Variants in ZNF827 observed in about 807,000 individuals in gnomAD.
ZNF827 encodes the protein zinc finger protein 827.
A neutral mutation model predicts 102.4 loss-of-function variants in ZNF827; 13 were observed. That is an observed-to-expected ratio of 0.13 (90% CI 0.08 to 0.20). The LOEUF (loss-of-function observed/expected upper bound fraction) is 0.20. Among genes scored for constraint, ZNF827 ranks in the 10% least tolerant of loss-of-function variants. The pLI, the probability that ZNF827 is intolerant of heterozygous loss-of-function variation, is 1.00. For synonymous variants in ZNF827, 523 were observed against 536.2 expected, an observed-to-expected ratio of 0.98 and a Z score of 0.34; for missense variants, 1,103 against 1,344.4, an observed-to-expected ratio of 0.82 and a Z score of 2.81.
At chr4:145,764,904 C>T in intron 13 of ZNF827, 84 bp downstream of exon 13, 1 of 1,599,190 alleles carries the variant, frequency 6.3e-7, no homozygotes, top group Non-Finnish European at 8.6e-7. Flanking sequence ...ACTCCCAAAA[C>T]CTTCACGGGA....
chr4:145,864,932 A>G (rs1561014997), intron 5 of ZNF827, among the ~76,000 whole-genome samples: 1 of 152,248 alleles, frequency 6.6e-6, no homozygotes, highest in African/African-American at 2.4e-5. Context: ...TACTGAAGTC[A>G]CACTGCTTAG....
intron 4 of ZNF827, among the ~76,000 whole-genome samples, chr4:145,880,164 G>A (rs1749542870): frequency 6.6e-6 from 1 of 152,200 alleles, no homozygotes; most frequent in South Asian, 2.1e-4. Flanking sequence ...GAACCCGGGA[G>A]GCGGATGTTT....
At chr4:145,797,174 T>C (rs552827172) in intron 8 of ZNF827, among the ~76,000 whole-genome samples, 15 of 152,336 alleles carry the variant, frequency 9.8e-5, no homozygotes, top group African/African-American at 3.4e-4. Context: ...ACATCTGCCA[T>C]AATTATGATC....
At chr4:145,768,916 T>TATATATATATATATATAAAAAA (rs34051922) in intron 11 of ZNF827, among the ~76,000 whole-genome samples, 1 of 34,414 alleles carries the variant, frequency 2.9e-5, no homozygotes, top group Non-Finnish European at 5.2e-5. Context: ...TATATATATA[T>TATATATATATATATATAAAAAA]TAGGTATACA....
chr4:145,839,411 T>G (rs1745200143), intron 7 of ZNF827: 1 of 152,254 alleles, frequency 6.6e-6, no homozygotes, highest in Non-Finnish European at 1.5e-5. Context: ...CGCAGGAATC[T>G]GACTTTATAC....
At chr4:145,871,054 T>C (rs1748641496) in intron 4 of ZNF827, among the ~76,000 whole-genome samples, 2 of 152,238 alleles carry the variant, frequency 1.3e-5, no homozygotes, top group African/African-American at 4.8e-5. Flanking sequence ...CTTCTGATTA[T>C]GGTGATAAAT....
chr4:145,809,802 A>C (rs1297596919), intron 8 of ZNF827, among the ~76,000 whole-genome samples: 1 of 152,070 alleles, frequency 6.6e-6, no homozygotes, highest in Non-Finnish European at 1.5e-5. Flanking sequence ...TTCATCTCCA[A>C]CCAATCAGCA....
At chr4:145,855,095 A>C (rs1746935738) in intron 5 of ZNF827, among the ~76,000 whole-genome samples, 1 of 152,224 alleles carries the variant, frequency 6.6e-6, no homozygotes, top group Non-Finnish European at 1.5e-5. Context: ...ATCTGCTGCG[A>C]ACACTCATAC....
chr4:145,837,398 G>A (rs1219879802), intron 7 of ZNF827, among the ~76,000 whole-genome samples: 1 of 152,044 alleles, frequency 6.6e-6, no homozygotes, highest in Non-Finnish European at 1.5e-5. Flanking sequence ...GCCCATTTAA[G>A]CTCCTGTATA....
chr4:145,774,678 T>A lies in ZNF827; in HGVS notation c.2694-6A>T. 6.2e-7 allele frequency: 1 copy of A among 1,612,322 alleles called. No homozygotes were observed. On this transcript the variant is annotated splice_polypyrimidine_tract_variant and splice_region_variant and intron_variant, in intron 10 of 14. Transcript: ENST00000508784. ...CAAATCCACACACGTGACAACTACA[T>A]GAAAGGGTAAAAGAAAAGAGGGGGA...
rs1283355160 is a variant in ZNF827, at chr4:145,794,704, G to GA, written c.2384-15194dup. On this transcript the variant is annotated intron_variant, in intron 8 of 14. Transcript: ENST00000508784. Reference sequence around the variant, plus strand: ...GACAGGGCGAGACCCTGTCTCAGAAGAAAAAAAAATAGCACATACATACCC... The same window carrying GA: ...GACAGGGCGAGACCCTGTCTCAGAAGAAAAAAAAAATAGCACATACATACCC... 7.3e-5 allele frequency among the ~76,000 whole-genome samples: 11 copies of GA among 150,106 alleles called. No individual in the cohort carries two copies. The South Asian group carries it at 8.5e-4, about 12-fold the overall frequency.
chr4:145,810,377 TA>T (rs1038026928), intron 8 of ZNF827, among the ~76,000 whole-genome samples: 1,953 of 147,172 alleles, frequency 0.013, 51 homozygotes, highest in African/African-American at 0.044. Context: ...AGGCCAATTC[TA>T]AAAAAAAAAA....
intron 8 of ZNF827, among the ~76,000 whole-genome samples, chr4:145,814,753 G>C (rs1226930884): frequency 7.4e-6 from 1 of 135,852 alleles, no homozygotes; most frequent in Non-Finnish European, 1.5e-5. Context: ...GTGAAACCCT[G>C]TCTCTACTAA....
At chr4:145,832,020 T>C (rs1744261281) in intron 7 of ZNF827, 1 of 152,246 alleles carries the variant, frequency 6.6e-6, no homozygotes, top group Non-Finnish European at 1.5e-5. Context: ...CCCAGCACTT[T>C]GGGAGACCAA....
chr4:145,867,672 A>G (rs996859167), intron 5 of ZNF827, among the ~76,000 whole-genome samples: 9 of 152,210 alleles, frequency 5.9e-5, no homozygotes, highest in African/African-American at 2.2e-4. Flanking sequence ...TGCATAACTA[A>G]GTATCCTCAA....
intron 1 of ZNF827, among the ~76,000 whole-genome samples, chr4:145,921,571 A>C (rs558740712): frequency 6.6e-6 from 1 of 151,758 alleles, no homozygotes; most frequent in South Asian, 2.1e-4. Flanking sequence ...GGGGGTGGGC[A>C]TGATTTATTC....
intron 8 of ZNF827, among the ~76,000 whole-genome samples, chr4:145,812,780 G>A (rs550367403): frequency 3.4e-4 from 52 of 152,130 alleles, no homozygotes; most frequent in African/African-American, 9.9e-4. Flanking sequence ...CATCCTCCTC[G>A]GCCTCCCAAA....
intron 8 of ZNF827, among the ~76,000 whole-genome samples, chr4:145,795,665 A>G (rs1740310361): frequency 6.6e-6 from 1 of 152,242 alleles, no homozygotes; most frequent in Non-Finnish European, 1.5e-5. Context: ...CACGATAATG[A>G]GAAGTATTTC....
At chr4:145,867,714 A>T (rs1484289504) in intron 5 of ZNF827, among the ~76,000 whole-genome samples, 1 of 152,202 alleles carries the variant, frequency 6.6e-6, no homozygotes, top group African/African-American at 2.4e-5. Context: ...GATTTTCCCA[A>T]GCATATGGGA....
Sources: gnomAD v4.1 joint callset for allele counts (sites outside exome capture counted in the v4.1 genomes callset) on GRCh38, gnomAD v4.1.1 for gene constraint, MANE v1.5 for transcripts, NCBI Gene and HGNC (gene_info 2026-07-23, HGNC 2026-07-21) for gene names.